Variants in DST observed in about 807,000 individuals in gnomAD.
DST encodes bullous pemphigoid antigen.
Under a neutral mutation model 875.2 loss-of-function variants are expected in DST, and 253 were observed. The observed-to-expected ratio is 0.29, with a 90% CI of 0.26 to 0.32. The LOEUF (loss-of-function observed/expected upper bound fraction) is 0.32, where lower values mean the gene tolerates loss of function less well. Among genes scored for constraint, DST ranks in the 10% least tolerant of loss-of-function variants. The pLI is 1.00. For synonymous variants in DST, 3,124 were observed against 3,197.1 expected (o/e 0.98, Z 0.77); for missense variants, 8,287 against 9,111.6 (o/e 0.91, Z 3.68).
In DST at chr6:56,543,971, T is replaced by A. The variant is rs561304191; in HGVS notation, c.16609-7031A>T. Among the ~76,000 whole-genome samples the A allele has an allele frequency of 3.3e-5, 5 of 152,340 alleles. No homozygotes were observed. In the East Asian group the frequency reaches 7.7e-4, roughly 23 times the overall value. ...ACTCAGTATGTGGCCATCATTAAGT[T>A]GACTAGATATATGACTATCTATAAA... On this transcript the variant is annotated intron_variant, in intron 61 of 103. Transcript: ENST00000680361.
intron 75 of DST, among the ~76,000 whole-genome samples, chr6:56,507,670 T>A (rs1365236710): frequency 1.3e-5 from 2 of 152,306 alleles, no homozygotes; most frequent in African/African-American, 4.8e-5. Context: ...GCAAAACAGT[T>A]TGTTTTGGGA....
Position 56,614,436 on chromosome 6 carries a change from A to G in DST, c.4978T>C (p.Leu1660=). 6.2e-7 allele frequency: 1 copy of G among 1,609,506 alleles called. No homozygotes were observed. Among genetic ancestry groups the G allele is most frequent in the Non-Finnish European group, 8.5e-7 (1 of 1,178,010 alleles). ...KKEHVEKAKE[L]QKWVSNISKT... ...CTGATATTTGATACCCATTTTTGCA[A>G]TTCTTTGGCTTTTTCAACATGTTCT... Residue 1660 remains leucine, a synonymous_variant, in exon 37 of 104, where the codon TTG becomes CTG. Coordinates refer to ENST00000680361, the MANE Select transcript of DST (RefSeq NM_001374736.1).
intron 38 of DST, among the ~76,000 whole-genome samples, chr6:56,611,152 T>C (rs371591997): frequency 6.6e-6 from 1 of 152,056 alleles, no homozygotes; most frequent in Non-Finnish European, 1.5e-5. Flanking sequence ...GCTAAGAAAA[T>C]GAAGACCATA....
At chr6:56,579,617 G>C (rs912859132) in intron 49 of DST, among the ~76,000 whole-genome samples, 5 of 152,124 alleles carry the variant, frequency 3.3e-5, no homozygotes, top group Admixed American at 2.6e-4. Context: ...CACTGAGATG[G>C]CTCCTTAAGA....
In DST at chr6:56,466,137, C is replaced by T; in HGVS notation, c.22628G>A (p.Arg7543His). 1 of 1,613,360 alleles carries T rather than the reference C, an allele frequency of 6.2e-7. No individual in the cohort carries two copies. ...VRILRSTVMVRVGGGWMALDE... is the reference protein window; with the variant it reads ...VRILRSTVMVHVGGGWMALDE... ...AAGTGCCATCCATCCACCTCCAACA[C>T]GAACCATCACAGTACTCCGCAGGAT... Residue 7543 changes from arginine (R) to histidine (H), a missense_variant, in exon 99 of 104, where the codon CGT becomes CAT. Around this residue, in one of 10 missense-constraint regions of DST, gnomAD observed 87 missense variants for 209.7 expected, o/e 0.41. Transcript: ENST00000680361.
chr6:56,578,804 A>C lies in DST; in HGVS notation c.13027+10T>G, dbSNP rs2152636886. The C allele has an allele frequency of 1.2e-6, 2 of 1,611,680 alleles. No homozygotes were observed. Among genetic ancestry groups the C allele is most frequent in the East Asian group, 4.5e-5 (2 of 44,774 alleles). ...CTGTGAGACAGGAAGCAAGGACATG[A>C]ATATCTTACCAAGTGTTTTCTGGAT... On this transcript the variant is annotated intron_variant, in intron 50 of 103. Coordinates refer to ENST00000680361, the MANE Select transcript of DST (RefSeq NM_001374736.1).
chr6:56,915,702 C>T (rs1456207058), intron 2 of DST, among the ~76,000 whole-genome samples: 1 of 152,230 alleles, frequency 6.6e-6, no homozygotes, highest in Non-Finnish European at 1.5e-5. Context: ...ACTACAAAAT[C>T]AGTCTTTGGA....
chr6:56,739,728 G>A (rs144690143), intron 4 of DST, among the ~76,000 whole-genome samples: 4 of 152,248 alleles, frequency 2.6e-5, no homozygotes, highest in African/African-American at 7.2e-5. Context: ...ACCTCTGGTC[G>A]TCCTCACTAT....
intron 4 of DST, among the ~76,000 whole-genome samples, chr6:56,788,684 G>A (rs1051891606): frequency 2.0e-5 from 3 of 152,120 alleles, no homozygotes; most frequent in Non-Finnish European, 4.4e-5. Flanking sequence ...AGTATTAACA[G>A]TCTAGATATT....
chr6:56,821,399 T>C (rs1047525813), intron 4 of DST, among the ~76,000 whole-genome samples: 3 of 152,144 alleles, frequency 2.0e-5, no homozygotes, highest in African/African-American at 7.2e-5. Context: ...ACTCACCCTA[T>C]GTGTTCAGGA....
rs558516215 is a variant in DST at position 56,724,988 on chromosome 6, T to A, written c.687+10240A>T. Reference sequence around the variant, plus strand: ...CTGTTTTACACACACACACACACTGTGTAACAGGCACTGTGTTCAAAATTC... The same window carrying A: ...CTGTTTTACACACACACACACACTGAGTAACAGGCACTGTGTTCAAAATTC... On this transcript the variant is annotated intron_variant, in intron 5 of 103. Transcript: ENST00000680361. Among the ~76,000 whole-genome samples, 11 of 151,252 alleles carry A rather than the reference T, an allele frequency of 7.3e-5. No individual in the cohort carries two copies. The East Asian group carries it at 1.9e-3, about 27-fold the overall frequency.
At chr6:56,719,064 C>T (rs1202179236) in intron 5 of DST, among the ~76,000 whole-genome samples, 1 of 151,984 alleles carries the variant, frequency 6.6e-6, no homozygotes, top group Non-Finnish European at 1.5e-5. Flanking sequence ...CTCAATAAAG[C>T]TGAGATTTAA....
rs1021182289 is a variant in DST at position 56,851,953 on chromosome 6, T to C, written c.418-349A>G. On this transcript the variant is annotated intron_variant, in intron 3 of 103. Coordinates refer to ENST00000680361, the MANE Select transcript of DST (RefSeq NM_001374736.1). ...CAACAGCCTTCCTGTTACAAACCTA[T>C]AGTATTTGGCTCCCCCACCAGGACA... The C allele has an allele frequency of 1.9e-5, 28 of 1,495,872 alleles. No homozygotes were observed. In the African/African-American group the frequency reaches 3.7e-4, roughly 20 times the overall value. 92.7% of individuals were successfully genotyped at this position (1,495,872 alleles called of 1,614,324 possible).
At position 56,614,907 on chromosome 6, in the gene DST, A is replaced by G. The variant is rs944003784; in HGVS notation, c.4930-423T>C. 1.4e-5 allele frequency: 14 copies of G among 991,856 alleles called. No individual in the cohort carries two copies. The African/African-American group carries it at 1.9e-4, about 14-fold the overall frequency. The allele number at this position is 991,856 out of a possible 1,614,324, so 61.4% of individuals were successfully genotyped here. ...TGTAAGGAAAATACACAGAATGAAG[A>G]AAATCCTTCCCCTCCTCCAACACAT... is the stretch of plus-strand genomic sequence containing the variant. On this transcript the variant is annotated intron_variant, in intron 36 of 103. Coordinates refer to ENST00000680361, the MANE Select transcript of DST (RefSeq NM_001374736.1).
At chr6:56,905,465 A>T (rs992066480) in intron 2 of DST, among the ~76,000 whole-genome samples, 1 of 152,052 alleles carries the variant, frequency 6.6e-6, no homozygotes, top group Non-Finnish European at 1.5e-5. Flanking sequence ...GATTTTATTA[A>T]TTCAACTAAT....
intron 77 of DST, among the ~76,000 whole-genome samples, chr6:56,505,447 C>T (rs936952502): frequency 2.0e-5 from 3 of 148,634 alleles, no homozygotes; most frequent in African/African-American, 7.5e-5. Context: ...GTCATTGATA[C>T]CTAATAGAGT....
chr6:56,572,056 T>C (rs969832406), intron 53 of DST, 44 bp downstream of exon 53: 1 of 1,162,232 alleles, frequency 8.6e-7, no homozygotes, highest in African/African-American at 1.6e-5. Flanking sequence ...CTCACTCTAA[T>C]TAATATAAAT....
At chr6:56,851,913 C>A (rs957913995) in intron 3 of DST, 3 of 1,541,610 alleles carry the variant, frequency 1.9e-6, no homozygotes, top group East Asian at 2.4e-5. Flanking sequence ...ACTGGCCCAA[C>A]AATGAAGCCA....
chr6:56,740,490 C>T (rs1023775852), intron 4 of DST, among the ~76,000 whole-genome samples: 1 of 152,220 alleles, frequency 6.6e-6, no homozygotes, highest in East Asian at 1.9e-4. Context: ...AGTAGGGTAG[C>T]AAAACAGAAG....
Sources: allele counts gnomAD v4.1 joint callset (sites outside exome capture counted in the v4.1 genomes callset), GRCh38; gene constraint gnomAD v4.1.1; regional missense constraint gnomAD v4.1.1; transcripts MANE v1.5; gene names NCBI Gene and HGNC (gene_info 2026-07-23, HGNC 2026-07-21).